CTDSP1: variants seen among roughly 807,000 people sequenced by gnomAD.
CTDSP1 encodes carboxy-terminal domain RNA polymerase II polypeptide A small phosphatase 1.
CTDSP1 carries 15 observed loss-of-function variants against 32.5 expected under a neutral mutation model. The observed-to-expected ratio is 0.46, with a 90% CI of 0.31 to 0.71. CTDSP1 has a LOEUF of 0.71. Among genes scored for constraint, CTDSP1 ranks in the 30% least tolerant of loss-of-function variants. CTDSP1 has a pLI of 0.05. For missense variants in CTDSP1, 294 were observed against 351.1 expected, an observed-to-expected ratio of 0.84 and a Z score of 1.30; for synonymous variants, 185 against 145.4, an observed-to-expected ratio of 1.27 and a Z score of -1.96.
At chr2:218,398,313 G>A (rs1352697588), upstream of CTDSP1, 16 of 1,104,112 alleles carry the variant, frequency 1.4e-5, no homozygotes, top group Non-Finnish European at 1.8e-5. Context: ...AATGGGTTAA[G>A]AAGGAGGCCG....
upstream of CTDSP1, among the ~76,000 whole-genome samples, chr2:218,397,770 A>G (rs1559131439): frequency 6.6e-6 from 1 of 151,984 alleles, no homozygotes; most frequent in Non-Finnish European, 1.5e-5. Context: ...CCCCCACGCA[A>G]TCCTGGCCTC....
chr2:218,401,844 C>T, intron 2 of CTDSP1, 132 bp downstream of exon 2: 1 of 901,600 alleles, frequency 1.1e-6, no homozygotes, highest in South Asian at 1.8e-5. Flanking sequence ...AGGGTGGCAG[C>T]CTCCCCTGCC....
Position 218,405,935 on chromosome 2 carries a change from A to AC in CTDSP1, c.*1514dup, listed in dbSNP as rs750191956. On this transcript the variant is annotated 3_prime_UTR_variant, in exon 7 of 7. Transcript: ENST00000273062. Reference sequence around the variant, plus strand: ...TGATGAGAACTAAAGAGAAAGCCAGACCCCTATCCTGCTTCTGTGGTTATT... The same window carrying AC: ...TGATGAGAACTAAAGAGAAAGCCAGACCCCCTATCCTGCTTCTGTGGTTATT... 1.3e-5 allele frequency: 2 copies of AC among 152,522 alleles called. No individual in the cohort carries two copies. The highest frequency in any genetic ancestry group is 2.4e-5 in the African/African-American group (1 of 41,326). 9.4% of individuals were successfully genotyped at this position (152,522 alleles called of 1,614,324 possible).
In CTDSP1 at chr2:218,403,215, C is replaced by T. The variant is rs760313508; in HGVS notation, c.472-17C>T. On this transcript the variant is annotated splice_polypyrimidine_tract_variant and intron_variant, in intron 5 of 6. Transcript: ENST00000273062. ...ATGAACCTGCGGGCCCCAGGATGACCCACCTCCTGCTCCCAGTACGCAGAC... is the reference window on the plus strand; with the variant it reads ...ATGAACCTGCGGGCCCCAGGATGACTCACCTCCTGCTCCCAGTACGCAGAC... 2 of 1,611,156 alleles carry T rather than the reference C, an allele frequency of 1.2e-6. No homozygotes were observed. Among genetic ancestry groups the T allele is most frequent in the South Asian group, 1.1e-5 (1 of 90,880 alleles).
rs1333092973 is a variant in CTDSP1 at position 218,404,308 on chromosome 2, C to T, written c.669C>T (p.Ala223=). ...ACCCACTTCCCCAGGTACCGGTGGC[C>T]TCGTGGTTTGACAACATGAGTGACA... ...VFHPDNAVPV[A]SWFDNMSDTE... is the part of the protein sequence containing the mutation. Residue 223 remains alanine (A), a synonymous_variant, in exon 7 of 7, where the codon GCC becomes GCT. Transcript: ENST00000273062. The T allele has an allele frequency of 4.3e-6, 7 of 1,614,144 alleles. No individual in the cohort carries two copies. In the South Asian group the frequency reaches 7.7e-5, roughly 18 times the overall value.
upstream of CTDSP1, among the ~76,000 whole-genome samples, chr2:218,397,781 T>C (rs949082031): frequency 4.6e-5 from 7 of 152,098 alleles, no homozygotes; most frequent in African/African-American, 1.7e-4. Flanking sequence ...TCCTGGCCTC[T>C]CGCTCACTCC....
At chr2:218,400,262 C>T (rs12620498) in intron 1 of CTDSP1, 105 bp downstream of exon 1, 1 of 1,044,638 alleles carries the variant, frequency 9.6e-7, no homozygotes, top group South Asian at 1.5e-5. Flanking sequence ...GGGCGGCCGC[C>T]TTAGCTGTGC....
chr2:218,403,200 G>A lies in CTDSP1; in HGVS notation c.472-32G>A, dbSNP rs778567598. The A allele has an allele frequency of 6.2e-6, 10 of 1,611,404 alleles. No homozygotes were observed. In the Admixed American group the frequency reaches 1.0e-4, roughly 16 times the overall value. ...CCCGCATGCAGCCCAATGAACCTGCGGGCCCCAGGATGACCCACCTCCTGC... is the reference window on the plus strand; with the variant it reads ...CCCGCATGCAGCCCAATGAACCTGCAGGCCCCAGGATGACCCACCTCCTGC... On this transcript the variant is annotated intron_variant, in intron 5 of 6. Transcript: ENST00000273062.
At chr2:218,402,571 T>TA in intron 4 of CTDSP1, 166 bp downstream of exon 4, 1 of 796,718 alleles carries the variant, frequency 1.3e-6, no homozygotes. Flanking sequence ...CTCAAGGGCT[T>TA]GTGCTGACTC....
upstream of CTDSP1, chr2:218,399,723 G>A: frequency 1.0e-6 from 1 of 999,480 alleles, no homozygotes; most frequent in African/African-American, 1.7e-5. Context: ...CCTGGAGCGC[G>A]GCAGGAACCC....
upstream of CTDSP1, chr2:218,396,642 T>C (rs1696797610): frequency 6.6e-6 from 1 of 152,612 alleles, no homozygotes; most frequent in Non-Finnish European, 1.5e-5. Flanking sequence ...AGAGGGTACC[T>C]GGGCAAGAGG....
rs748115993 is a variant in CTDSP1 at position 218,402,171 on chromosome 2, G to T, written c.277G>T (p.Val93Leu). 6.2e-6 allele frequency: 10 copies of T among 1,613,762 alleles called. No individual in the cohort carries two copies. Among genetic ancestry groups the T allele is most frequent in the Non-Finnish European group, 8.5e-6 (10 of 1,179,972 alleles). Residue 93 changes from valine (V) to leucine (L), a missense_variant, in exon 3 of 7, where the codon GTG becomes TTG. Transcript: ENST00000273062. ...GGCCCAGGACTCAGACAAGATCTGC[G>T]TGGTCATCGACCTGGACGAGACCCT... ...AKAQDSDKIC[V>L]VIDLDETLVH...
upstream of CTDSP1, chr2:218,399,518 C>T (rs573406976): frequency 6.5e-6 from 1 of 153,610 alleles, no homozygotes; most frequent in Non-Finnish European, 1.4e-5. Flanking sequence ...CGAGAAGCCT[C>T]TAGTCCCGGG....
At chr2:218,398,575 C>T (rs895938012), upstream of CTDSP1, 31 of 828,574 alleles carry the variant, frequency 3.7e-5, no homozygotes, top group Admixed American at 7.9e-5. Flanking sequence ...CTCCCTTCCC[C>T]TCCCGGCCCC....
At chr2:218,400,796 G>A (rs2106359294) in intron 1 of CTDSP1, 3 of 454,240 alleles carry the variant, frequency 6.6e-6, no homozygotes, top group Non-Finnish European at 1.3e-5. Context: ...AAGCCTCGCC[G>A]CCCCGACGAG....
At chr2:218,399,843 G>A (rs978884914), upstream of CTDSP1, 38 of 1,220,324 alleles carry the variant, frequency 3.1e-5, no homozygotes, top group Non-Finnish European at 6.1e-6. Context: ...GGGGAGCCTT[G>A]AAACGGCGCC....
At chr2:218,402,086 C>A in intron 2 of CTDSP1, 25 bp from the exon 3 acceptor site, 1 of 1,539,600 alleles carries the variant, frequency 6.5e-7, no homozygotes. Flanking sequence ...GAGAGGCACC[C>A]CAGCCAGCCC....
At chr2:218,401,827 G>C in intron 2 of CTDSP1, 115 bp downstream of exon 2, 1 of 1,066,802 alleles carries the variant, frequency 9.4e-7, no homozygotes, top group South Asian at 1.7e-5. Context: ...GAAAGGTGCA[G>C]AGTAGGAGGG....
At chr2:218,398,323 G>A, upstream of CTDSP1, 1 of 1,222,864 alleles carries the variant, frequency 8.2e-7, no homozygotes, top group Non-Finnish European at 1.2e-6. Flanking sequence ...GAAGGAGGCC[G>A]TTCTAAGGGG....
Sources: gnomAD v4.1 joint callset for allele counts (sites outside exome capture counted in the v4.1 genomes callset) on GRCh38, gnomAD v4.1.1 for gene constraint, MANE v1.5 for transcripts, NCBI Gene and HGNC (gene_info 2026-07-23, HGNC 2026-07-21) for gene names.